Variants in PPARA observed in about 807,000 individuals in gnomAD.
PPARA encodes the protein peroxisome proliferator activated receptor alpha.
Under a neutral mutation model 42.2 loss-of-function variants are expected in PPARA, and 22 were observed. The observed-to-expected ratio is 0.52, with a 90% CI of 0.37 to 0.74. The LOEUF (loss-of-function observed/expected upper bound fraction) is 0.74, where lower values mean the gene tolerates loss of function less well. Ranked by LOEUF, PPARA falls within the 30% of genes least tolerant of loss-of-function variation. PPARA has a pLI of 0.00. For missense variants in PPARA, 465 were observed against 608.2 expected, an observed-to-expected ratio of 0.76 and a Z score of 2.48; for synonymous variants, 242 against 239.3, an observed-to-expected ratio of 1.01 and a Z score of -0.10.
rs1448361273 is a variant in PPARA at position 46,196,211 on chromosome 22, C to T, written c.-42-2131C>T. Among the ~76,000 whole-genome samples the T allele has an allele frequency of 2.6e-5, 4 of 152,306 alleles. No homozygotes were observed. The highest frequency in any genetic ancestry group is 4.8e-5 in the African/African-American group (2 of 41,560). On this transcript the variant is annotated intron_variant, in intron 3 of 8. Coordinates refer to ENST00000407236, the MANE Select transcript of PPARA (RefSeq NM_005036.6). The surrounding 1 kb of genome is among the most constrained non-coding windows in gnomAD (Gnocchi z 5.6). ...TGATACAGACTAACCCAGGAAGAAC[C>T]GCTGCTTTGTCACTTATACCCCTAT... is the stretch of plus-strand genomic sequence containing the variant.
rs1021283199 is a variant in PPARA, at chr22:46,234,707, G to A, written c.1160-426G>A. Among the ~76,000 whole-genome samples, 10 of 152,102 alleles carry A rather than the reference G, an allele frequency of 6.6e-5. No homozygotes were observed. Among genetic ancestry groups the A allele is most frequent in the African/African-American group, 2.2e-4 (9 of 41,414 alleles). On this transcript the variant is annotated intron_variant, in intron 8 of 8. Transcript: ENST00000407236. The surrounding 1 kb of genome is among the most constrained non-coding windows in gnomAD (Gnocchi z 5.8). Reference sequence around the variant, plus strand: ...CTAACACAATCACTCCTTAAATATGGTGGAACACTTGAAGCTTGATATCTA... The same window carrying A: ...CTAACACAATCACTCCTTAAATATGATGGAACACTTGAAGCTTGATATCTA...
rs192950054 is a variant in PPARA at position 46,216,396 on chromosome 22, A to G, written c.369+1063A>G. Among the ~76,000 whole-genome samples the G allele has an allele frequency of 0.033, 5,019 of 151,788 alleles. 228 individuals carry two copies. Among genetic ancestry groups the G allele is most frequent in the African/African-American group, 0.1 (4,256 of 41,298 alleles). On this transcript the variant is annotated intron_variant, in intron 5 of 8. Transcript: ENST00000407236. This position sits in a 1 kb window ranked among gnomAD's most constrained non-coding sequence, Gnocchi z 4.5. Reference sequence around the variant, plus strand: ...AAAACTTCATCTCAAAAAAAAAAAAAAGAGAGAAAAGAAAATAAGCCACAT... The same window carrying G: ...AAAACTTCATCTCAAAAAAAAAAAAGAGAGAGAAAAGAAAATAAGCCACAT...
At position 46,162,260 on chromosome 22, in the gene PPARA, C is replaced by G. The variant is rs1462869553; in HGVS notation, c.-127+10290C>G. Among the ~76,000 whole-genome samples, 1 of 152,150 alleles carries G rather than the reference C, an allele frequency of 6.6e-6. No individual in the cohort carries two copies. Among genetic ancestry groups the G allele is most frequent in the Non-Finnish European group, 1.5e-5 (1 of 68,032 alleles). On this transcript the variant is annotated intron_variant, in intron 2 of 8. Coordinates refer to ENST00000407236, the MANE Select transcript of PPARA (RefSeq NM_005036.6). The surrounding 1 kb of genome is among the most constrained non-coding windows in gnomAD (Gnocchi z 6.0). ...TAGGTGCTTCCTTGCTTATCATTGC[C>G]TCTCCCATCTTAATGTTGTCCCATC...
rs1449274600 is a variant in PPARA at position 46,225,661 on chromosome 22, G to A, written c.711+5647G>A. Among the ~76,000 whole-genome samples the A allele has an allele frequency of 6.8e-6, 1 of 148,032 alleles. No homozygotes were observed. On this transcript the variant is annotated intron_variant, in intron 7 of 8. Transcript: ENST00000407236. This position sits in a 1 kb window ranked among gnomAD's most constrained non-coding sequence, Gnocchi z 4.1. Reference sequence around the variant, plus strand: ...CACACATACACATGCACCCACACGTGTACACAGATGCACCTCCACCCCCAT... The same window carrying A: ...CACACATACACATGCACCCACACGTATACACAGATGCACCTCCACCCCCAT...
chr22:46,182,310 T>C lies in PPARA; in HGVS notation c.-43+5474T>C, dbSNP rs982725492. On this transcript the variant is annotated intron_variant, in intron 3 of 8. Transcript: ENST00000407236. This position sits in a 1 kb window ranked among gnomAD's most constrained non-coding sequence, Gnocchi z 5.2. Reference sequence around the variant, plus strand: ...AGCTCAGACTTGGAAACCATTCAGATGCCATTAATAGGTGAATATATTCTC... The same window carrying C: ...AGCTCAGACTTGGAAACCATTCAGACGCCATTAATAGGTGAATATATTCTC... Among the ~76,000 whole-genome samples the C allele has an allele frequency of 6.6e-6, 1 of 152,236 alleles. No homozygotes were observed. Among genetic ancestry groups the C allele is most frequent in the Non-Finnish European group, 1.5e-5 (1 of 68,046 alleles).
intron 2 of PPARA, among the ~76,000 whole-genome samples, chr22:46,159,848 G>A (rs577400718): frequency 2.6e-5 from 4 of 152,326 alleles, no homozygotes; most frequent in South Asian, 4.1e-4. Context: ...CACTAACAGC[G>A]TTCAAAGAAC....
intron 2 of PPARA, among the ~76,000 whole-genome samples, chr22:46,157,504 C>G (rs1245921495): frequency 6.6e-6 from 1 of 152,160 alleles, no homozygotes; most frequent in Non-Finnish European, 1.5e-5. Flanking sequence ...CCCATTACAG[C>G]GGTGTTAGGA....
rs1397374035 is a variant in PPARA at position 46,187,773 on chromosome 22, G to A, written c.-42-10569G>A. 6.6e-6 allele frequency among the ~76,000 whole-genome samples: 1 copy of A among 152,166 alleles called. No individual in the cohort carries two copies. Among genetic ancestry groups the A allele is most frequent in the Non-Finnish European group, 1.5e-5 (1 of 68,042 alleles). On this transcript the variant is annotated intron_variant, in intron 3 of 8. Coordinates refer to ENST00000407236, the MANE Select transcript of PPARA (RefSeq NM_005036.6). This position sits in a 1 kb window ranked among gnomAD's most constrained non-coding sequence, Gnocchi z 4.9. Reference sequence around the variant, plus strand: ...TCACCTCTTGCCACTTCTCCCTTGAGGTAGATCAAAAATGGTCACAAGTTC... The same window carrying A: ...TCACCTCTTGCCACTTCTCCCTTGAAGTAGATCAAAAATGGTCACAAGTTC...
rs909934020 is a variant in PPARA, at chr22:46,235,161, C to T, written c.1188C>T (p.His396=). Residue 396 remains histidine (H), a synonymous_variant, in exon 9 of 9, where the codon CAC becomes CAT. Coordinates refer to ENST00000407236, the MANE Select transcript of PPARA (RefSeq NM_005036.6). This position sits in a 1 kb window ranked among gnomAD's most constrained non-coding sequence, Gnocchi z 7.0. ...GDRPGLLNVG[H]IEKMQEGIVH... ...GTCCTGGCCTTCTAAACGTAGGACA[C>T]ATTGAAAAAATGCAGGAGGGTATTG... 6.2e-7 allele frequency: 1 copy of T among 1,613,858 alleles called. No individual in the cohort carries two copies. Among genetic ancestry groups the T allele is most frequent in the Non-Finnish European group, 8.5e-7 (1 of 1,179,906 alleles).
At chr22:46,177,848 T>C (rs907931761) in intron 3 of PPARA, among the ~76,000 whole-genome samples, 4 of 152,068 alleles carry the variant, frequency 2.6e-5, no homozygotes, top group Non-Finnish European at 5.9e-5. Flanking sequence ...GATGAGAACC[T>C]CAGGTGTGTA....
At chr22:46,213,597 CT>C (rs111834773) in intron 4 of PPARA, among the ~76,000 whole-genome samples, 7,716 of 144,214 alleles carry the variant, frequency 0.054, 596 homozygotes, top group African/African-American at 0.17. Flanking sequence ...TTTTTCTTTT[CT>C]TTTTTTTTTG....
rs1313607344 is a variant in PPARA at position 46,243,566 on chromosome 22, A to T, written c.*8186A>T. The T allele has an allele frequency of 6.6e-6, 1 of 152,140 alleles. No homozygotes were observed. The highest frequency in any genetic ancestry group is 1.5e-5 in the Non-Finnish European group (1 of 67,980). 9.4% of individuals were successfully genotyped at this position (152,140 alleles called of 1,614,324 possible). ...TGGCTATAAAATAACCTTAATTTTA[A>T]AAAAAAATCTTGGGTCTTCGTTTTC... On this transcript the variant is annotated 3_prime_UTR_variant, in exon 9 of 9. Transcript: ENST00000407236. The surrounding 1 kb of genome is among the most constrained non-coding windows in gnomAD (Gnocchi z 5.0).
rs1347036343 is a variant in PPARA at position 46,243,578 on chromosome 22, G to T, written c.*8198G>T. 1 of 152,148 alleles carries T rather than the reference G, an allele frequency of 6.6e-6. No individual in the cohort carries two copies. The highest frequency in any genetic ancestry group is 1.5e-5 in the Non-Finnish European group (1 of 67,988). The allele number at this position is 152,148 out of a possible 1,614,324, so 9.4% of individuals were successfully genotyped here. A position where few individuals can be genotyped will look rare whatever the true frequency, so the allele number is the denominator to read the frequency against. The stretch of plus-strand genomic sequence containing the variant: ...AACCTTAATTTTAAAAAAAAATCTT[G>T]GGTCTTCGTTTTCCTATTAGGAGAC... On this transcript the variant is annotated 3_prime_UTR_variant, in exon 9 of 9. Transcript: ENST00000407236. The surrounding 1 kb of genome is among the most constrained non-coding windows in gnomAD (Gnocchi z 5.0).
At chr22:46,202,992 A>G (rs1932920467) in intron 4 of PPARA, among the ~76,000 whole-genome samples, 1 of 152,180 alleles carries the variant, frequency 6.6e-6, no homozygotes, top group African/African-American at 2.4e-5. Context: ...AAGTGACCAC[A>G]CTGAAGCGTC....
intron 2 of PPARA, among the ~76,000 whole-genome samples, chr22:46,158,365 C>T (rs1250914445): frequency 1.3e-5 from 2 of 152,124 alleles, no homozygotes; most frequent in Non-Finnish European, 2.9e-5. Context: ...TGAGATCGCA[C>T]CACTGCACAT....
chr22:46,173,368 T>C lies in PPARA; in HGVS notation c.-126-3385T>C, dbSNP rs1928391713. On this transcript the variant is annotated intron_variant, in intron 2 of 8. Coordinates refer to ENST00000407236, the MANE Select transcript of PPARA (RefSeq NM_005036.6). The surrounding 1 kb of genome is among the most constrained non-coding windows in gnomAD (Gnocchi z 4.3). ...GCAAAATGAAGGGCGTACAAGTTGT[T>C]AGAGAGGCTGGGAGCCTATTTAAGC... 6.6e-6 allele frequency among the ~76,000 whole-genome samples: 1 copy of C among 152,226 alleles called. No individual in the cohort carries two copies. The highest frequency in any genetic ancestry group is 1.9e-4 in the East Asian group (1 of 5,202).
chr22:46,187,135 A>T lies in PPARA; in HGVS notation c.-43+10299A>T, dbSNP rs564507918. ...GGTTGGCCTTGCAGCCTCTCTAGGCACTGCTGCTGCTGCTAAGAACCCCTG... is the reference window on the plus strand; with the variant it reads ...GGTTGGCCTTGCAGCCTCTCTAGGCTCTGCTGCTGCTGCTAAGAACCCCTG... On this transcript the variant is annotated intron_variant, in intron 3 of 8. Transcript: ENST00000407236. The surrounding 1 kb of genome is among the most constrained non-coding windows in gnomAD (Gnocchi z 4.9). Among the ~76,000 whole-genome samples the T allele has an allele frequency of 3.3e-5, 5 of 152,300 alleles. No individual in the cohort carries two copies. Among genetic ancestry groups the T allele is most frequent in the African/African-American group, 1.2e-4 (5 of 41,570 alleles).
Position 46,242,453 on chromosome 22 carries a change from TAC to T in PPARA, c.*7075_*7076del, listed in dbSNP as rs1426374086. The T allele has an allele frequency of 1.3e-5, 2 of 152,698 alleles. No individual in the cohort carries two copies. Among genetic ancestry groups the T allele is most frequent in the African/African-American group, 4.8e-5 (2 of 41,468 alleles). 9.5% of individuals were successfully genotyped at this position (152,698 alleles called of 1,614,324 possible). On this transcript the variant is annotated 3_prime_UTR_variant, in exon 9 of 9. Transcript: ENST00000407236. The surrounding 1 kb of genome is among the most constrained non-coding windows in gnomAD (Gnocchi z 6.1). ...CATGTAGTACTCTTTTTGGTAAAGT[TAC>T]AGTGTTCATGTTAAATATCACTTTT... is the stretch of plus-strand genomic sequence containing the variant.
intron 3 of PPARA, among the ~76,000 whole-genome samples, chr22:46,194,046 TG>T (rs1017800711): frequency 2.1e-4 from 32 of 152,118 alleles, no homozygotes; most frequent in African/African-American, 7.5e-4. Context: ...GCCAGTGATG[TG>T]GGGGGAGCCC....
Sources: gnomAD v4.1 joint callset for allele counts (sites outside exome capture counted in the v4.1 genomes callset) on GRCh38, gnomAD v4.1.1 for gene constraint, Gnocchi (gnomAD v3.1) non-coding constraint, MANE v1.5 for transcripts, NCBI Gene and HGNC (gene_info 2026-07-23, HGNC 2026-07-21) for gene names.